YTHDF2: variants seen among roughly 807,000 people sequenced by gnomAD.
YTHDF2 encodes the protein YTH N6-methyladenosine RNA binding protein F2.
In YTHDF2, 2 loss-of-function variants were observed where a neutral mutation model predicts 50.4. That is an observed-to-expected ratio of 0.04 (90% CI 0.02 to 0.12). The LOEUF is 0.12. Among genes scored for constraint, YTHDF2 ranks in the 10% least tolerant of loss-of-function variants. YTHDF2 has a pLI of 1.00. For missense variants in YTHDF2, 483 were observed against 722.6 expected, an observed-to-expected ratio of 0.67 and a Z score of 3.80; for synonymous variants, 217 against 255.6, an observed-to-expected ratio of 0.85 and a Z score of 1.44.
chr1:28,744,766 T>C (rs1166705860), intron 4 of YTHDF2, among the ~76,000 whole-genome samples: 3 of 152,162 alleles, frequency 2.0e-5, no homozygotes, highest in Non-Finnish European at 4.4e-5. Flanking sequence ...CCTTCTGGGC[T>C]CAAGTGATCC....
intron 4 of YTHDF2, among the ~76,000 whole-genome samples, chr1:28,758,175 A>T (rs889544379): frequency 2.0e-5 from 3 of 152,086 alleles, no homozygotes; most frequent in African/African-American, 7.2e-5. Flanking sequence ...ACTTGAACCT[A>T]GAAGTTGGAG....
intron 4 of YTHDF2, among the ~76,000 whole-genome samples, chr1:28,751,263 A>T (rs1342977078): frequency 6.6e-6 from 1 of 152,028 alleles, no homozygotes; most frequent in Non-Finnish European, 1.5e-5. Flanking sequence ...CTCAAAAAAA[A>T]TTCAAGTTTC....
At chr1:28,737,498 C>T in intron 1 of YTHDF2, 160 bp from the exon 2 acceptor site, 4 of 1,014,172 alleles carry the variant, frequency 3.9e-6, no homozygotes, top group South Asian at 3.4e-5. Context: ...TGGCGCTTTC[C>T]CCCGCCTCCC....
At chr1:28,763,645 TGGGG>T (rs1262678925) in intron 4 of YTHDF2, among the ~76,000 whole-genome samples, 1 of 151,782 alleles carries the variant, frequency 6.6e-6, no homozygotes, top group African/African-American at 2.4e-5. Flanking sequence ...TTAGCAGAGA[TGGGG>T]TTTCACCATG....
intron 4 of YTHDF2, among the ~76,000 whole-genome samples, chr1:28,756,281 G>T (rs905458528): frequency 2.6e-5 from 4 of 152,200 alleles, no homozygotes; most frequent in African/African-American, 9.7e-5. Flanking sequence ...GCTAAAGATT[G>T]ATCCAGGGAG....
chr1:28,747,677 G>A (rs12755628), intron 4 of YTHDF2, among the ~76,000 whole-genome samples: 2 of 146,480 alleles, frequency 1.4e-5, no homozygotes, highest in African/African-American at 2.5e-5. Flanking sequence ...CTCTCCCTCC[G>A]AAAGTGCTGG....
rs531313410 is a variant in YTHDF2 at position 28,737,533 on chromosome 1, A to G, written c.28-125A>G. 2.0e-5 allele frequency: 27 copies of G among 1,325,712 alleles called. No homozygotes were observed. In the South Asian group the frequency reaches 2.3e-4, roughly 11 times the overall value. The allele number at this position is 1,325,712 out of a possible 1,614,324, so 82.1% of individuals were successfully genotyped here. On this transcript the variant is annotated intron_variant, in intron 1 of 4. Coordinates refer to ENST00000373812, the MANE Select transcript of YTHDF2 (RefSeq NM_016258.3). Reference sequence around the variant, plus strand: ...CATTTTCAGCCTCTTCCTCACTACCATTCCTGACGCCTCCCCTCGGGCCTG... The same window carrying G: ...CATTTTCAGCCTCTTCCTCACTACCGTTCCTGACGCCTCCCCTCGGGCCTG...
intron 3 of YTHDF2, among the ~76,000 whole-genome samples, chr1:28,740,564 A>C (rs1335561940): frequency 2.6e-5 from 4 of 152,166 alleles, no homozygotes; most frequent in Non-Finnish European, 4.4e-5. Context: ...TAATACTTCA[A>C]GTTTAATCTG....
At chr1:28,766,603 C>T (rs1328856233) in intron 4 of YTHDF2, among the ~76,000 whole-genome samples, 2 of 151,790 alleles carry the variant, frequency 1.3e-5, no homozygotes, top group Non-Finnish European at 2.9e-5. Context: ...TTTTTTAATA[C>T]GTGGGAAAAT....
intron 4 of YTHDF2, among the ~76,000 whole-genome samples, chr1:28,746,437 G>T (rs984514583): frequency 6.6e-6 from 1 of 152,016 alleles, no homozygotes; most frequent in African/African-American, 2.4e-5. Flanking sequence ...AAGAAATATG[G>T]GTTTAGAAAT....
intron 1 of YTHDF2, 73 bp from the exon 2 acceptor site, chr1:28,737,585 C>T (rs150973574): frequency 1.2e-6 from 2 of 1,605,516 alleles, no homozygotes; most frequent in East Asian, 2.2e-5. Context: ...TCGGGCCCTG[C>T]CTTAATTTGT....
chr1:28,760,706 A>C (rs1371866922), intron 4 of YTHDF2, among the ~76,000 whole-genome samples: 1 of 150,664 alleles, frequency 6.6e-6, no homozygotes, highest in Non-Finnish European at 1.5e-5. Context: ...TCAGCCTCCC[A>C]AGTAGCTGGG....
chr1:28,736,875 G>C, upstream of YTHDF2: 1 of 491,658 alleles, frequency 2.0e-6, no homozygotes, highest in Non-Finnish European at 3.6e-6. Context: ...TCGGCGCTCT[G>C]CTTTAGGCGG....
chr1:28,737,357 G>T, intron 1 of YTHDF2: 1 of 670,892 alleles, frequency 1.5e-6, no homozygotes, highest in Non-Finnish European at 2.4e-6. Context: ...CCACGGGCCG[G>T]GCCGCGCCGC....
intron 3 of YTHDF2, among the ~76,000 whole-genome samples, chr1:28,742,060 T>TTTTG (rs57343875): frequency 6.6e-6 from 1 of 151,846 alleles, no homozygotes; most frequent in African/African-American, 2.4e-5. Context: ...TTTTTTTTTT[T>TTTTG]CCTGGAGATG....
At chr1:28,752,128 T>A (rs1020907654) in intron 4 of YTHDF2, among the ~76,000 whole-genome samples, 1 of 152,256 alleles carries the variant, frequency 6.6e-6, no homozygotes, top group African/African-American at 2.4e-5. Context: ...GCCAGCTGTT[T>A]AGCTTTCAAG....
intron 4 of YTHDF2, among the ~76,000 whole-genome samples, chr1:28,757,770 A>C (rs927393466): frequency 6.6e-6 from 1 of 151,722 alleles, no homozygotes; most frequent in African/African-American, 2.4e-5. Flanking sequence ...TACTACAACA[A>C]AACTACTCAT....
intron 4 of YTHDF2, among the ~76,000 whole-genome samples, chr1:28,768,123 G>A (rs1309952196): frequency 1.3e-5 from 2 of 151,816 alleles, no homozygotes; most frequent in Non-Finnish European, 2.9e-5. Flanking sequence ...GCTTGAACCC[G>A]GGAGGCCGAG....
rs1227357726 is a variant in YTHDF2, at chr1:28,739,627, G to A, written c.132+1289G>A. ...AGTCAGGAAATTTTTGAGTTGAGCTGCACCTACATCTGTGGAGAATACTTT... is the reference window on the plus strand; with the variant it reads ...AGTCAGGAAATTTTTGAGTTGAGCTACACCTACATCTGTGGAGAATACTTT... On this transcript the variant is annotated intron_variant, in intron 3 of 4. Transcript: ENST00000373812. 2.6e-5 allele frequency among the ~76,000 whole-genome samples: 4 copies of A among 152,126 alleles called. No individual in the cohort carries two copies. The East Asian group carries it at 5.8e-4, about 22-fold the overall frequency.
Sources: allele counts gnomAD v4.1 joint callset (sites outside exome capture counted in the v4.1 genomes callset), GRCh38; gene constraint gnomAD v4.1.1; transcripts MANE v1.5; gene names NCBI Gene and HGNC (gene_info 2026-07-23, HGNC 2026-07-21).